The following FAM228A variants were observed in gnomAD, a reference collection of about 807,000 sequenced individuals.
FAM228A encodes family with sequence similarity 228 member A.
A neutral mutation model predicts 18.6 loss-of-function variants in FAM228A; 13 were observed. The ratio of observed to expected loss-of-function variants is 0.70; its 90% CI spans 0.45 to 1.11. The LOEUF (loss-of-function observed/expected upper bound fraction) is 1.11, where lower values mean the gene tolerates loss of function less well. FAM228A is among the 50% of genes least tolerant of loss of function. The pLI, the probability that FAM228A is intolerant of heterozygous loss-of-function variation, is 0.00. For missense variants in FAM228A, 240 were observed against 242.2 expected (o/e 0.99, Z 0.06); for synonymous variants, 77 against 86.6 (o/e 0.89, Z 0.61).
chr2:24,191,198 T>G lies in FAM228A; in HGVS notation c.*567T>G, dbSNP rs1668076247. ...CCCTTCCATTCTCTCCGCCACGCCC[T>G]GTGCCCTGAGGCCTGAGGCGCAGGA... On this transcript the variant is annotated 3_prime_UTR_variant, in exon 6 of 6. Transcript: ENST00000295150. The G allele has an allele frequency of 1.0e-6, 1 of 985,544 alleles. No homozygotes were observed. The highest frequency in any genetic ancestry group is 4.7e-5 in the South Asian group (1 of 21,296). The allele number at this position is 985,544 out of a possible 1,614,324, so 61.0% of individuals were successfully genotyped here. A position where few individuals can be genotyped will look rare whatever the true frequency, so the allele number is the denominator to read the frequency against.
intron 1 of FAM228A, 109 bp from the exon 2 acceptor site, chr2:24,175,358 C>T (rs1667654155): frequency 1.3e-6 from 1 of 796,858 alleles, no homozygotes; most frequent in South Asian, 1.5e-5. Context: ...TGACTCGGCT[C>T]AGCTTTTAGA....
chr2:24,185,783 G>GC, intron 5 of FAM228A, among the ~76,000 whole-genome samples: 1 of 152,272 alleles, frequency 6.6e-6, no homozygotes, highest in African/African-American at 2.4e-5. Context: ...GAATTACTCA[G>GC]CCCCAAATGT....
At chr2:24,177,152 C>T (rs979858390) in intron 2 of FAM228A, among the ~76,000 whole-genome samples, 5 of 152,166 alleles carry the variant, frequency 3.3e-5, no homozygotes, top group Admixed American at 6.5e-5. Context: ...TTAAGACACA[C>T]CTACTAGCTG....
At chr2:24,182,212 C>G (rs188716425) in intron 3 of FAM228A, among the ~76,000 whole-genome samples, 159 of 152,246 alleles carry the variant, frequency 1.0e-3, no homozygotes, top group African/African-American at 3.7e-3. Flanking sequence ...GTTTTTCGCT[C>G]CCATGCAGCA....
At position 24,177,900 on chromosome 2, in the gene FAM228A, A is replaced by T. The variant is rs55661701; in HGVS notation, c.162+30A>T. The T allele has an allele frequency of 1.4e-5, 20 of 1,454,700 alleles. No individual in the cohort carries two copies. The South Asian group carries it at 2.2e-4, about 16-fold the overall frequency. 90.1% of individuals were successfully genotyped at this position (1,454,700 alleles called of 1,614,324 possible). ...GAGTTGGCTCCACGCTGCATTCTAC[A>T]TATGTTCTAGGGGAGCAAGAGTGTG... On this transcript the variant is annotated intron_variant, in intron 3 of 5. Coordinates refer to ENST00000295150, the MANE Select transcript of FAM228A (RefSeq NM_001040710.3).
At chr2:24,182,962 A>G (rs1667849608) in intron 3 of FAM228A, among the ~76,000 whole-genome samples, 1 of 152,132 alleles carries the variant, frequency 6.6e-6, no homozygotes, top group African/African-American at 2.4e-5. Context: ...CTGCTTTGGT[A>G]TACAGTAAGG....
rs1199467208 is a variant in FAM228A, at chr2:24,191,086, T to C, written c.*455T>C. The C allele has an allele frequency of 1.0e-6, 1 of 986,298 alleles. No homozygotes were observed. Among genetic ancestry groups the C allele is most frequent in the African/African-American group, 1.7e-5 (1 of 57,252 alleles). The allele number at this position is 986,298 out of a possible 1,614,324, so 61.1% of individuals were successfully genotyped here. Reference sequence around the variant, plus strand: ...AGATTTTTTGATATTTAAAAGGTATTTTTATATGTAGGAATTTTCTGAGTA... The same window carrying C: ...AGATTTTTTGATATTTAAAAGGTATCTTTATATGTAGGAATTTTCTGAGTA... On this transcript the variant is annotated 3_prime_UTR_variant, in exon 6 of 6. Transcript: ENST00000295150.
intron 5 of FAM228A, among the ~76,000 whole-genome samples, chr2:24,184,833 T>C (rs1246490687): frequency 6.6e-6 from 1 of 151,772 alleles, no homozygotes; most frequent in Non-Finnish European, 1.5e-5. Context: ...GGCCTTTTTT[T>C]TTTTTTTTGA....
chr2:24,175,700 A>AG, intron 2 of FAM228A, 127 bp downstream of exon 2: 3 of 793,004 alleles, frequency 3.8e-6, no homozygotes, highest in Non-Finnish European at 6.1e-6. Flanking sequence ...CAGGCGTTGA[A>AG]GGGGAATGTT....
At position 24,190,415 on chromosome 2, in the gene FAM228A, T is replaced by G. The variant is rs750275342; in HGVS notation, c.405T>G (p.Pro135=). 6 of 1,607,910 alleles carry G rather than the reference T, an allele frequency of 3.7e-6. No homozygotes were observed. The highest frequency in any genetic ancestry group is 5.1e-6 in the Non-Finnish European group (6 of 1,178,162). ...RARSKTYKYS[P]EKLIYADKKQ... is the part of the protein sequence containing the mutation. ...TTTTTTCTGCTTTTCTTCACAGTCC[T>G]GAAAAGCTCATCTATGCAGACAAGA... The change falls in exon 6 of 6, where the codon CCT becomes CCG. Residue 135 remains proline (P), a synonymous_variant. Transcript: ENST00000295150.
At chr2:24,175,714 G>C (rs1394446854) in intron 2 of FAM228A, 141 bp downstream of exon 2, 1 of 768,566 alleles carries the variant, frequency 1.3e-6, no homozygotes, top group African/African-American at 1.7e-5. Flanking sequence ...GAATGTTCGG[G>C]CTCAGATTTG....
intron 5 of FAM228A, among the ~76,000 whole-genome samples, chr2:24,185,611 C>T (rs1235603110): frequency 6.6e-6 from 1 of 152,132 alleles, no homozygotes; most frequent in Non-Finnish European, 1.5e-5. Flanking sequence ...GTATATATCT[C>T]TCCATTAGTG....
intron 5 of FAM228A, among the ~76,000 whole-genome samples, chr2:24,184,561 C>T (rs1406749411): frequency 6.6e-6 from 1 of 152,092 alleles, no homozygotes; most frequent in African/African-American, 2.4e-5. Flanking sequence ...TTATATTTGA[C>T]TATGCCATCA....
In FAM228A at chr2:24,177,916, C is replaced by G. The variant is rs745450942; in HGVS notation, c.162+46C>G. On this transcript the variant is annotated intron_variant, in intron 3 of 5. Transcript: ENST00000295150. ...GCATTCTACATATGTTCTAGGGGAG[C>G]AAGAGTGTGCAGAACAACATGGCCA... 10 of 1,236,774 alleles carry G rather than the reference C, an allele frequency of 8.1e-6. No homozygotes were observed. The South Asian group carries it at 1.3e-4, about 17-fold the overall frequency. The allele number at this position is 1,236,774 out of a possible 1,614,324, so 76.6% of individuals were successfully genotyped here.
intron 5 of FAM228A, among the ~76,000 whole-genome samples, chr2:24,185,952 G>A (rs559287055): frequency 3.9e-5 from 6 of 152,074 alleles, no homozygotes; most frequent in Admixed American, 6.6e-5. Context: ...ATTTGTATTT[G>A]GCAACCTTGC....
intron 2 of FAM228A, chr2:24,176,114 A>G: frequency 1.0e-6 from 1 of 985,410 alleles, no homozygotes; most frequent in East Asian, 1.1e-4. Context: ...AAGAGCCATC[A>G]AAGACAAAAA....
intron 5 of FAM228A, among the ~76,000 whole-genome samples, chr2:24,190,074 C>T (rs1351082373): frequency 6.6e-6 from 1 of 152,142 alleles, no homozygotes; most frequent in Non-Finnish European, 1.5e-5. Flanking sequence ...TGAGTGCTGG[C>T]AAGTGGAGGC....
At position 24,183,621 on chromosome 2, in the gene FAM228A, C is replaced by T. The variant is rs1328570011; in HGVS notation, c.377C>T (p.Ala126Val). 2 of 1,607,516 alleles carry T rather than the reference C, an allele frequency of 1.2e-6. No individual in the cohort carries two copies. The highest frequency in any genetic ancestry group is 1.7e-6 in the Non-Finnish European group (2 of 1,177,800). Reference protein sequence around the residue: ...PKEWHKASARARSKTYKYSPE... With the variant: ...PKEWHKASARVRSKTYKYSPE... ...GAGTGGCATAAAGCCTCTGCAAGAG[C>T]CAGGAGTAAAACTTACAAATACAGG... is the stretch of plus-strand genomic sequence containing the variant. The change falls in exon 5 of 6, where the codon GCC (alanine) becomes GTC (valine). Residue 126 changes from alanine (A) to valine (V), a missense_variant. Coordinates refer to ENST00000295150, the MANE Select transcript of FAM228A (RefSeq NM_001040710.3).
At chr2:24,187,512 A>G (rs1358031441) in intron 5 of FAM228A, among the ~76,000 whole-genome samples, 2 of 152,226 alleles carry the variant, frequency 1.3e-5, no homozygotes, top group African/African-American at 4.8e-5. Context: ...GTACAATGAC[A>G]TGTATCCATC....
Sources: gnomAD v4.1 joint callset for allele counts (sites outside exome capture counted in the v4.1 genomes callset) on GRCh38, gnomAD v4.1.1 for gene constraint, MANE v1.5 for transcripts, NCBI Gene and HGNC (gene_info 2026-07-23, HGNC 2026-07-21) for gene names.